The following SMARCAD1 variants were observed in gnomAD, a reference collection of about 807,000 sequenced individuals.
The protein encoded by SMARCAD1 is SWI/SNF-related matrix-associated actin-dependent regulator of chromatin subfamily A containing DEAD/H box 1.
A neutral mutation model predicts 127.1 loss-of-function variants in SMARCAD1; 25 were observed. The observed-to-expected ratio is 0.20, with a 90% CI of 0.14 to 0.27. SMARCAD1 has a LOEUF of 0.27. SMARCAD1 is among the 10% of genes least tolerant of loss of function. The pLI, the probability that SMARCAD1 is intolerant of heterozygous loss-of-function variation, is 1.00. For missense variants in SMARCAD1, 807 were observed against 1,206.0 expected, an observed-to-expected ratio of 0.67 and a Z score of 4.90; for synonymous variants, 400 against 396.9, an observed-to-expected ratio of 1.01 and a Z score of -0.09.
rs774213888 is a variant in SMARCAD1 at position 94,290,550 on chromosome 4, A to G, written c.*1016A>G. On this transcript the variant is annotated 3_prime_UTR_variant, in exon 24 of 24. Coordinates refer to ENST00000354268, the MANE Select transcript of SMARCAD1 (RefSeq NM_020159.5). ...TAACTTGAAACTCTTATCAAAATAT[A>G]TTTTACCAGTTTCCAGAATTTCCAG... The G allele has an allele frequency of 1.8e-5, 8 of 454,326 alleles. No individual in the cohort carries two copies. The highest frequency in any genetic ancestry group is 7.8e-5 in the South Asian group (5 of 64,472). The allele number at this position is 454,326 out of a possible 1,614,324, so 28.1% of individuals were successfully genotyped here.
At chr4:94,216,696 A>G (rs552080362) in intron 2 of SMARCAD1, among the ~76,000 whole-genome samples, 4 of 152,310 alleles carry the variant, frequency 2.6e-5, no homozygotes, top group African/African-American at 9.6e-5. Flanking sequence ...TATCTCATTA[A>G]AGTGGAATCA....
intron 15 of SMARCAD1, 144 bp from the exon 16 acceptor site, chr4:94,276,878 A>G: frequency 1.2e-6 from 1 of 868,192 alleles, no homozygotes; most frequent in Non-Finnish European, 1.8e-6. Flanking sequence ...TATTTAAATT[A>G]CTATATCATT....
At position 94,278,646 on chromosome 4, in the gene SMARCAD1, C is replaced by T; in HGVS notation, c.2209C>T (p.Arg737Ter). The T allele has an allele frequency of 6.2e-7, 1 of 1,613,918 alleles. No individual in the cohort carries two copies. The highest frequency in any genetic ancestry group is 1.7e-5 in the Admixed American group (1 of 59,998). ...VLKQLPPKKD[R>*]IELCAMSEKQ... ...CAAGCAGTTACCCCCCAAGAAAGAT[C>T]GAATTGAGTTGTGTGCAATGTCGGA... The change falls in exon 18 of 24, where the codon CGA becomes TGA. Residue 737 changes from arginine to a stop codon, truncating the protein, a stop_gained. Coordinates refer to ENST00000354268, the MANE Select transcript of SMARCAD1 (RefSeq NM_020159.5). LOFTEE classifies it high-confidence loss of function.
intron 2 of SMARCAD1, among the ~76,000 whole-genome samples, chr4:94,220,528 A>G (rs1743951127): frequency 6.6e-6 from 1 of 152,168 alleles, no homozygotes; most frequent in African/African-American, 2.4e-5. Flanking sequence ...GATTACAGGC[A>G]TGAGCCACCG....
intron 2 of SMARCAD1, among the ~76,000 whole-genome samples, chr4:94,222,049 C>T (rs1205928030): frequency 2.0e-5 from 3 of 152,012 alleles, no homozygotes; most frequent in Admixed American, 1.3e-4. Flanking sequence ...TCTGTGCAAC[C>T]CTCAATTCTC....
chr4:94,247,365 T>A (rs11097410), intron 6 of SMARCAD1, among the ~76,000 whole-genome samples: 57,354 of 151,756 alleles, frequency 0.38, 11,796 homozygotes, highest in East Asian at 0.71. Flanking sequence ...CTGTGTAACC[T>A]CCTGGACCAC....
chr4:94,236,932 ATCT>A lies in SMARCAD1; in HGVS notation c.538-18_538-16del. Reference sequence around the variant, plus strand: ...CTTAAAGTGCTGATTTAAAACATTAATCTTTTCTCGTTCTGTTAGTTGATTGAA... The same window carrying A: ...CTTAAAGTGCTGATTTAAAACATTAATTTCTCGTTCTGTTAGTTGATTGAA... On this transcript the variant is annotated splice_polypyrimidine_tract_variant and intron_variant, in intron 4 of 23. Transcript: ENST00000354268. 6.3e-7 allele frequency: 1 copy of A among 1,597,548 alleles called. No individual in the cohort carries two copies. The highest frequency in any genetic ancestry group is 1.1e-5 in the South Asian group (1 of 90,776).
intron 2 of SMARCAD1, 60 bp downstream of exon 2, chr4:94,208,644 A>G: frequency 6.8e-7 from 1 of 1,470,562 alleles, no homozygotes; most frequent in Admixed American, 1.7e-5. Context: ...GATGAAAGGC[A>G]GAAGGGATTC....
intron 12 of SMARCAD1, 31 bp downstream of exon 12, chr4:94,273,747 C>CT (rs1371272325): frequency 6.5e-7 from 1 of 1,539,936 alleles, no homozygotes; most frequent in Non-Finnish European, 9.0e-7. Context: ...CTGTATTTAA[C>CT]TTTATCATGT....
chr4:94,269,493 GTT>G (rs75891233), intron 10 of SMARCAD1, among the ~76,000 whole-genome samples: 464 of 139,226 alleles, frequency 3.3e-3, no homozygotes, highest in African/African-American at 0.011. Flanking sequence ...GGCAAATTAA[GTT>G]TTTTTTTTTT....
intron 23 of SMARCAD1, 34 bp downstream of exon 23, chr4:94,285,103 ATC>A (rs1204309440): frequency 1.7e-4 from 41 of 236,684 alleles, no homozygotes; most frequent in Non-Finnish European, 2.4e-4. Flanking sequence ...TTCAATATTT[ATC>A]TATATGACCA....
chr4:94,209,821 A>G (rs116409616), intron 2 of SMARCAD1, among the ~76,000 whole-genome samples: 122 of 152,288 alleles, frequency 8.0e-4, no homozygotes, highest in Non-Finnish European at 1.5e-3. Context: ...CTTTGAATAG[A>G]TATTTGACAT....
intron 10 of SMARCAD1, among the ~76,000 whole-genome samples, chr4:94,265,957 A>G (rs1021384155): frequency 6.6e-6 from 1 of 152,000 alleles, no homozygotes; most frequent in Non-Finnish European, 1.5e-5. Flanking sequence ...ATCAAAGCAT[A>G]TTTGCTGATC....
rs1755568462 is a variant in SMARCAD1, at chr4:94,290,695, A to G, written c.*1161A>G. 1 of 444,054 alleles carries G rather than the reference A, an allele frequency of 2.3e-6. No homozygotes were observed. Among genetic ancestry groups the G allele is most frequent in the African/African-American group, 2.0e-5 (1 of 49,322 alleles). 27.5% of individuals were successfully genotyped at this position (444,054 alleles called of 1,614,324 possible). On this transcript the variant is annotated 3_prime_UTR_variant, in exon 24 of 24. Coordinates refer to ENST00000354268, the MANE Select transcript of SMARCAD1 (RefSeq NM_020159.5). ...AACTCTTTATTAAATCTTTCTTTAAATTTCTGCCTGTCAGTCTATATTGCT... is the reference window on the plus strand; with the variant it reads ...AACTCTTTATTAAATCTTTCTTTAAGTTTCTGCCTGTCAGTCTATATTGCT...
chr4:94,233,324 G>A (rs765178930), intron 3 of SMARCAD1, among the ~76,000 whole-genome samples: 9 of 151,960 alleles, frequency 5.9e-5, no homozygotes, highest in Non-Finnish European at 1.3e-4. Flanking sequence ...TTTTGTTTAG[G>A]GAATAAATGA....
rs772632721 is a variant in SMARCAD1 at position 94,208,603 on chromosome 4, A to G, written c.190+19A>G. ...AAAACAGGTGAGTTACAATGTTAAA[A>G]TTGATGTAACATCAAGGACAGTTTT... On this transcript the variant is annotated intron_variant, in intron 2 of 23. Coordinates refer to ENST00000354268, the MANE Select transcript of SMARCAD1 (RefSeq NM_020159.5). 4 of 1,609,178 alleles carry G rather than the reference A, an allele frequency of 2.5e-6. No homozygotes were observed. The East Asian group carries it at 6.7e-5, about 27-fold the overall frequency.
intron 9 of SMARCAD1, among the ~76,000 whole-genome samples, chr4:94,256,650 A>G (rs1375396216): frequency 1.3e-5 from 2 of 152,216 alleles, no homozygotes; most frequent in African/African-American, 4.8e-5. Flanking sequence ...GGCGTGAGCC[A>G]CTGCATCTGG....
At position 94,285,075 on chromosome 4, in the gene SMARCAD1, T is replaced by TTGTTTGTAAGCA; in HGVS notation, c.3019+7_3019+18dup. ...TATGACTACAGTAGATGAAGGTGAG[T>TTGTTTGTAAGCA]TGTTTGTAAGCAGAAACTTCAATAT... On this transcript the variant is annotated splice_region_variant and intron_variant, in intron 23 of 23. Coordinates refer to ENST00000354268, the MANE Select transcript of SMARCAD1 (RefSeq NM_020159.5). 4 of 1,568,482 alleles carry TTGTTTGTAAGCA rather than the reference T, an allele frequency of 2.6e-6. No homozygotes were observed. The highest frequency in any genetic ancestry group is 3.5e-6 in the Non-Finnish European group (4 of 1,142,614).
intron 22 of SMARCAD1, among the ~76,000 whole-genome samples, chr4:94,284,580 T>G (rs1424724847): frequency 4.7e-5 from 7 of 149,174 alleles, no homozygotes; most frequent in Admixed American, 6.7e-5. Flanking sequence ...GTTTTTGTTT[T>G]TTTTTTTTTT....
Sources: gnomAD v4.1 joint callset for allele counts (sites outside exome capture counted in the v4.1 genomes callset) on GRCh38, gnomAD v4.1.1 for gene constraint, MANE v1.5 for transcripts, NCBI Gene and HGNC (gene_info 2026-07-23, HGNC 2026-07-21) for gene names.